The following SCAND3 variants were observed in gnomAD, a reference collection of about 807,000 sequenced individuals.
SCAND3 encodes SCAN domain containing 3, also known as SCAN domain-containing protein 3.
chr6:28,600,539 G>A, the SCAND3 span, among the ~76,000 whole-genome samples: 2 of 152,100 alleles, frequency 1.3e-5, no homozygotes, highest in Non-Finnish European at 2.9e-5. Flanking sequence ...AGGCTGAGGT[G>A]AGAGGCCTGT....
the SCAND3 span, among the ~76,000 whole-genome samples, chr6:28,611,970 C>T: frequency 6.6e-6 from 1 of 152,106 alleles, no homozygotes; most frequent in Non-Finnish European, 1.5e-5. Context: ...TATGAGCATC[C>T]AGAAGAGGAA....
chr6:28,592,482 G>A, the SCAND3 span, among the ~76,000 whole-genome samples: 4 of 152,018 alleles, frequency 2.6e-5, no homozygotes, highest in African/African-American at 9.7e-5. The surrounding 1 kb of genome is among the most constrained non-coding windows in gnomAD (Gnocchi z 4.1). Context: ...AATTAATATC[G>A]TTAAAATGTC....
chr6:28,604,325 A>AT, the SCAND3 span, among the ~76,000 whole-genome samples: 76 of 151,894 alleles, frequency 5.0e-4, 1 homozygote, highest in South Asian at 1.5e-3. Flanking sequence ...AAAATTAGGA[A>AT]TTTTTTTTTG....
At chr6:28,604,209 T>C in the SCAND3 span, among the ~76,000 whole-genome samples, 3 of 152,246 alleles carry the variant, frequency 2.0e-5, no homozygotes, top group African/African-American at 4.8e-5. Context: ...CTCAGCTTGC[T>C]TCACATGTTC....
the SCAND3 span, chr6:28,573,149 T>G: frequency 1.9e-6 from 3 of 1,613,026 alleles, no homozygotes; most frequent in Non-Finnish European, 2.5e-6. Flanking sequence ...ACTAAAAGAA[T>G]TATCATGTTA....
At chr6:28,606,542 C>G in the SCAND3 span, among the ~76,000 whole-genome samples, 1 of 152,154 alleles carries the variant, frequency 6.6e-6, no homozygotes, top group African/African-American at 2.4e-5. Flanking sequence ...CCAACCCCCA[C>G]CAGTTTGGCT....
chr6:28,600,134 G>A, the SCAND3 span, among the ~76,000 whole-genome samples: 1 of 151,304 alleles, frequency 6.6e-6, no homozygotes, highest in Non-Finnish European at 1.5e-5. Flanking sequence ...AAAATAAGTT[G>A]GATTTTATTA....
At chr6:28,613,045 G>T in the SCAND3 span, among the ~76,000 whole-genome samples, 1 of 151,914 alleles carries the variant, frequency 6.6e-6, no homozygotes, top group African/African-American at 2.4e-5. Context: ...TTACAAAATT[G>T]ACTAGATATT....
chr6:28,602,539 G>T, the SCAND3 span, among the ~76,000 whole-genome samples: 1 of 152,164 alleles, frequency 6.6e-6, no homozygotes, highest in East Asian at 1.9e-4. Context: ...AATAATTTTT[G>T]ATGATAATGA....
chr6:28,593,714 T>C, the SCAND3 span: 1 of 152,206 alleles, frequency 6.6e-6, no homozygotes, highest in Non-Finnish European at 1.5e-5. Flanking sequence ...TTTGTTTTGC[T>C]TTTTGTTTTG....
chr6:28,590,064 G>A, the SCAND3 span: 1 of 152,060 alleles, frequency 6.6e-6, no homozygotes, highest in Non-Finnish European at 1.5e-5. Context: ...TGGTATCCAC[G>A]GCGTCGAGTC....
the SCAND3 span, among the ~76,000 whole-genome samples, chr6:28,584,930 T>C: frequency 6.6e-6 from 1 of 152,362 alleles, no homozygotes; most frequent in East Asian, 1.9e-4. Context: ...AATGTCTCCA[T>C]ACATTGTGAA....
At chr6:28,608,532 CAT>C in the SCAND3 span, among the ~76,000 whole-genome samples, 116 of 152,326 alleles carry the variant, frequency 7.6e-4, no homozygotes, top group African/African-American at 2.6e-3. Context: ...GACACCTACA[CAT>C]GTTAATCAAT....
At chr6:28,584,929 A>T in the SCAND3 span, among the ~76,000 whole-genome samples, 1 of 152,202 alleles carries the variant, frequency 6.6e-6, no homozygotes, top group Non-Finnish European at 1.5e-5. Context: ...TAATGTCTCC[A>T]TACATTGTGA....
the SCAND3 span, among the ~76,000 whole-genome samples, chr6:28,596,316 GA>G: frequency 6.6e-6 from 1 of 152,074 alleles, no homozygotes; most frequent in African/African-American, 2.4e-5. Flanking sequence ...TGATGATACA[GA>G]AAGCTCTCCA....
At chr6:28,604,560 G>C in the SCAND3 span, among the ~76,000 whole-genome samples, 2 of 150,662 alleles carry the variant, frequency 1.3e-5, no homozygotes, top group South Asian at 4.2e-4. Flanking sequence ...AGGTTGCAGC[G>C]AGTCGAGATC....
At chr6:28,612,066 T>C in the SCAND3 span, among the ~76,000 whole-genome samples, 1 of 151,786 alleles carries the variant, frequency 6.6e-6, no homozygotes, top group African/African-American at 2.4e-5. Context: ...AGATGGAGTC[T>C]CACTCTGTTT....
At chr6:28,587,895 G>A in the SCAND3 span, 3 of 151,968 alleles carry the variant, frequency 2.0e-5, no homozygotes, top group African/African-American at 7.2e-5. Context: ...AGCGCCTAGC[G>A]AATCACTGGA....
chr6:28,572,928 A>T, the SCAND3 span: 5 of 1,614,068 alleles, frequency 3.1e-6, no homozygotes, highest in East Asian at 1.1e-4. This position sits in a 1 kb window ranked among gnomAD's most constrained non-coding sequence, Gnocchi z 4.1. Flanking sequence ...CAAGTTCCTT[A>T]ATCTGGGTTA....
Sources: gnomAD v4.1 joint callset for allele counts (sites outside exome capture counted in the v4.1 genomes callset) on GRCh38, gnomAD v4.1.1 for gene constraint, Gnocchi (gnomAD v3.1) non-coding constraint, MANE v1.5 for transcripts, NCBI Gene and HGNC (gene_info 2026-07-23, HGNC 2026-07-21) for gene names.